Variants in PRKG1 observed in about 807,000 individuals in gnomAD.
The protein encoded by PRKG1 is cGMP-dependent protein kinase 1.
A neutral mutation model predicts 88.1 loss-of-function variants in PRKG1; 35 were observed. The ratio of observed to expected loss-of-function variants is 0.40; its 90% CI spans 0.30 to 0.53. The LOEUF (loss-of-function observed/expected upper bound fraction) is 0.53, where lower values mean the gene tolerates loss of function less well. Among genes scored for constraint, PRKG1 ranks in the 20% least tolerant of loss-of-function variants. The probability of loss-of-function intolerance (pLI) is 0.59; values close to 1 mark genes in which losing one functional copy is unlikely to be tolerated. For synonymous variants in PRKG1, 303 were observed against 292.5 expected, an observed-to-expected ratio of 1.04 and a Z score of -0.37; for missense variants, 540 against 839.8, an observed-to-expected ratio of 0.64 and a Z score of 4.41.
intron 6 of PRKG1, among the ~76,000 whole-genome samples, chr10:52,060,809 C>CTCT (rs758796844): frequency 5.9e-5 from 9 of 151,916 alleles, no homozygotes; most frequent in African/African-American, 9.7e-5. Flanking sequence ...CCCTAGTGAA[C>CTCT]TCTTACCCAT....
At chr10:51,700,882 T>C (rs1183085796) in intron 3 of PRKG1, among the ~76,000 whole-genome samples, 2 of 152,148 alleles carry the variant, frequency 1.3e-5, no homozygotes, top group African/African-American at 2.4e-5. Context: ...TAAATTGTGT[T>C]CTAAATAAAA....
chr10:51,932,336 C>A (rs912624645), intron 5 of PRKG1, among the ~76,000 whole-genome samples: 3 of 151,746 alleles, frequency 2.0e-5, no homozygotes, highest in Non-Finnish European at 4.4e-5. Flanking sequence ...CAGTATTGAC[C>A]CCAAATGTCC....
At chr10:51,267,953 ACCC>A (rs1192828047) in intron 2 of PRKG1, among the ~76,000 whole-genome samples, 1 of 152,120 alleles carries the variant, frequency 6.6e-6, no homozygotes, top group East Asian at 1.9e-4. Context: ...GGCAAAATTC[ACCC>A]CCAATATTTC....
At chr10:51,298,898 A>T (rs184868809) in intron 2 of PRKG1, among the ~76,000 whole-genome samples, 5 of 152,276 alleles carry the variant, frequency 3.3e-5, no homozygotes, top group South Asian at 2.1e-4. Context: ...GATTGCTGTG[A>T]TCTGTATGCA....
chr10:51,148,222 A>G (rs1845986009), intron 1 of PRKG1: 1 of 984,956 alleles, frequency 1.0e-6, no homozygotes, highest in Non-Finnish European at 1.2e-6. Flanking sequence ...GAAGACTTGG[A>G]TGTCTGAGTT....
chr10:51,408,177 T>G (rs1837978170), intron 2 of PRKG1, among the ~76,000 whole-genome samples: 1 of 152,176 alleles, frequency 6.6e-6, no homozygotes. Flanking sequence ...TGGATGCTGA[T>G]TCAGAGTATA....
At chr10:52,190,996 T>C (rs1839348307) in intron 9 of PRKG1, among the ~76,000 whole-genome samples, 1 of 152,034 alleles carries the variant, frequency 6.6e-6, no homozygotes, top group Admixed American at 6.6e-5. Flanking sequence ...ACAAAATGAG[T>C]AGTCATTTTT....
rs552984256 is a variant in PRKG1, at chr10:51,316,804, C to A, written c.479-150919C>A. 3.3e-5 allele frequency among the ~76,000 whole-genome samples: 5 copies of A among 152,298 alleles called. No homozygotes were observed. The Middle Eastern group carries it at 0.014, about 417-fold the overall frequency. On this transcript the variant is annotated intron_variant, in intron 2 of 17. Coordinates refer to ENST00000373980, the MANE Select transcript of PRKG1 (RefSeq NM_006258.4). ...CAAATATTACCACATTTCAAAGTTT[C>A]TTTTCAAGGCCTATTACAGAAAACT...
At chr10:51,815,645 T>C (rs920990872) in intron 4 of PRKG1, among the ~76,000 whole-genome samples, 2 of 152,228 alleles carry the variant, frequency 1.3e-5, no homozygotes, top group African/African-American at 4.8e-5. Context: ...AAAAAAAGCA[T>C]GAGAAAGTCA....
rs190851101 is a variant in PRKG1, at chr10:51,029,954, C to T, written c.266+38310C>T. Among the ~76,000 whole-genome samples the T allele has an allele frequency of 3.9e-3, 589 of 152,098 alleles. 2 individuals carry two copies. Among genetic ancestry groups the T allele is most frequent in the Non-Finnish European group, 7.1e-3 (485 of 67,986 alleles). On this transcript the variant is annotated intron_variant, in intron 1 of 17. Transcript: ENST00000401604. ...TAATAATAATAATTAAATCTATCTC[C>T]TAGAACTGTTTTGGAGATTAATTAG...
At chr10:51,063,679 G>T (rs148209617) in intron 1 of PRKG1, among the ~76,000 whole-genome samples, 1 of 152,028 alleles carries the variant, frequency 6.6e-6, no homozygotes, top group Non-Finnish European at 1.5e-5. Flanking sequence ...CTATAAAAGT[G>T]GCAAGCTTCC....
chr10:51,909,617 G>T (rs1842171601), intron 5 of PRKG1: 1 of 151,752 alleles, frequency 6.6e-6, no homozygotes, highest in African/African-American at 2.4e-5. Context: ...AAAAGGGAAT[G>T]AATGAATGAA....
At chr10:51,094,706 C>T (rs1215569160) in intron 1 of PRKG1, among the ~76,000 whole-genome samples, 2 of 152,140 alleles carry the variant, frequency 1.3e-5, no homozygotes, top group African/African-American at 4.8e-5. Context: ...AACACAAAAG[C>T]TGCCGAAACC....
At chr10:52,011,470 C>T (rs80186523) in intron 5 of PRKG1, among the ~76,000 whole-genome samples, 2,930 of 152,198 alleles carry the variant, frequency 0.019, 74 homozygotes, top group African/African-American at 0.061. Flanking sequence ...TTCTCCCCTC[C>T]GCCTCCTTTT....
chr10:51,802,115 C>T (rs1177476474), intron 3 of PRKG1, among the ~76,000 whole-genome samples: 1 of 152,142 alleles, frequency 6.6e-6, no homozygotes, highest in Admixed American at 6.6e-5. Flanking sequence ...AATAGATTTA[C>T]ACTCCAGCAG....
At chr10:51,728,449 CTTTGTTTTTTTTTTTTT>C (rs1313040298) in intron 3 of PRKG1, among the ~76,000 whole-genome samples, 1 of 57,918 alleles carries the variant, frequency 1.7e-5, no homozygotes, top group Non-Finnish European at 3.5e-5. Flanking sequence ...TCCATTTTTT[CTTTGTTTTTTTTTTTTT>C]TTTTTTTTTT....
chr10:51,453,994 C>T (rs1412442280), intron 2 of PRKG1, among the ~76,000 whole-genome samples: 1 of 152,026 alleles, frequency 6.6e-6, no homozygotes, highest in East Asian at 1.9e-4. Context: ...AACCATTTTA[C>T]AACAGCTGCT....
At chr10:52,097,687 G>A (rs1332038214) in intron 7 of PRKG1, among the ~76,000 whole-genome samples, 1 of 151,720 alleles carries the variant, frequency 6.6e-6, no homozygotes, top group African/African-American at 2.4e-5. Flanking sequence ...ATTATTTGAT[G>A]TCTTCACAAG....
chr10:51,962,715 G>A (rs1410964512), intron 5 of PRKG1, among the ~76,000 whole-genome samples: 1 of 152,150 alleles, frequency 6.6e-6, no homozygotes, highest in East Asian at 1.9e-4. Context: ...GTAAAACAAA[G>A]TGCACAGGGG....
Sources: gnomAD v4.1 joint callset for allele counts (sites outside exome capture counted in the v4.1 genomes callset) on GRCh38, gnomAD v4.1.1 for gene constraint, MANE v1.5 for transcripts, NCBI Gene and HGNC (gene_info 2026-07-23, HGNC 2026-07-21) for gene names.